Variants in RAB38 observed in about 807,000 individuals in gnomAD.
The protein encoded by RAB38 is ras-related protein Rab-38.
RAB38 carries 15 observed loss-of-function variants against 18.4 expected under a neutral mutation model. The observed-to-expected ratio is 0.82, with a 90% CI of 0.55 to 1.26. RAB38 has a LOEUF of 1.26. RAB38 is among the 50% of genes most tolerant of loss of function. The probability of loss-of-function intolerance (pLI) is 0.00; values close to 1 mark genes in which losing one functional copy is unlikely to be tolerated. For synonymous variants in RAB38, 101 were observed against 104.4 expected, an observed-to-expected ratio of 0.97 and a Z score of 0.20; for missense variants, 294 against 267.4, an observed-to-expected ratio of 1.10 and a Z score of -0.69.
the RAB38 span, among the ~76,000 whole-genome samples, chr11:87,824,999 T>A: frequency 2.0e-5 from 3 of 150,266 alleles, no homozygotes; most frequent in Admixed American, 6.7e-5. Context: ...AGAGAGTGAG[T>A]GTGTGTGTGT....
At chr11:88,034,258 T>C in the RAB38 span, among the ~76,000 whole-genome samples, 1 of 152,366 alleles carries the variant, frequency 6.6e-6, no homozygotes, top group African/African-American at 2.4e-5. Context: ...CATTTGCCCA[T>C]TGACAATTTG....
the RAB38 span, among the ~76,000 whole-genome samples, chr11:87,829,070 A>T: frequency 6.6e-6 from 1 of 152,188 alleles, no homozygotes; most frequent in Admixed American, 6.5e-5. Context: ...CAAAATTCTG[A>T]TGTTTTCAGA....
At chr11:87,876,186 G>A in the RAB38 span, among the ~76,000 whole-genome samples, 1 of 151,672 alleles carries the variant, frequency 6.6e-6, no homozygotes, top group Non-Finnish European at 1.5e-5. Flanking sequence ...TCTAGCTGCA[G>A]GTAGCAGAAT....
At chr11:88,133,340 A>G (rs1407718320) in intron 2 of RAB38, among the ~76,000 whole-genome samples, 1 of 152,348 alleles carries the variant, frequency 6.6e-6, no homozygotes, top group East Asian at 1.9e-4. Flanking sequence ...AACAAATGTT[A>G]TATATTAACA....
chr11:88,036,345 C>T, the RAB38 span, among the ~76,000 whole-genome samples: 7 of 152,146 alleles, frequency 4.6e-5, no homozygotes, highest in African/African-American at 1.7e-4. Flanking sequence ...GTATACTTAT[C>T]GCTACCAGAG....
intron 1 of RAB38, among the ~76,000 whole-genome samples, chr11:88,160,023 T>G (rs1368330641): frequency 6.6e-6 from 1 of 151,948 alleles, no homozygotes; most frequent in Non-Finnish European, 1.5e-5. Context: ...AAAGAAATTA[T>G]CAACAGAGTA....
At chr11:88,158,686 A>T (rs890580508) in intron 1 of RAB38, among the ~76,000 whole-genome samples, 1 of 152,150 alleles carries the variant, frequency 6.6e-6, no homozygotes, top group African/African-American at 2.4e-5. Flanking sequence ...ACCTCAATAG[A>T]CTCAGAAAAA....
At chr11:87,922,704 AT>A in the RAB38 span, among the ~76,000 whole-genome samples, 2 of 151,912 alleles carry the variant, frequency 1.3e-5, no homozygotes, top group African/African-American at 2.4e-5. Flanking sequence ...GTAGTTATTT[AT>A]TTTTTTATGC....
At chr11:87,922,392 T>C in the RAB38 span, among the ~76,000 whole-genome samples, 2 of 152,050 alleles carry the variant, frequency 1.3e-5, no homozygotes, top group Non-Finnish European at 2.9e-5. Context: ...AGCACTGTTT[T>C]TGTTTCAATC....
chr11:87,850,631 T>G, the RAB38 span, among the ~76,000 whole-genome samples: 1 of 151,914 alleles, frequency 6.6e-6, no homozygotes, highest in Non-Finnish European at 1.5e-5. Context: ...TATCTATACC[T>G]TCTTCGTCTT....
the RAB38 span, among the ~76,000 whole-genome samples, chr11:88,077,555 GA>G: frequency 1.1e-4 from 16 of 152,220 alleles, no homozygotes; most frequent in East Asian, 2.9e-3. Flanking sequence ...ATAGGGAAAA[GA>G]CAGAATCTTC....
chr11:88,029,496 A>C, the RAB38 span, among the ~76,000 whole-genome samples: 10 of 152,330 alleles, frequency 6.6e-5, no homozygotes, highest in African/African-American at 2.4e-4. Context: ...TCTCACATGC[A>C]GAGACACACA....
the RAB38 span, among the ~76,000 whole-genome samples, chr11:88,026,995 C>T: frequency 0.019 from 2,885 of 152,100 alleles, 40 homozygotes; most frequent in Middle Eastern, 0.061. Context: ...TTGATTTTTG[C>T]GCAATGACCT....
chr11:87,890,349 C>T, the RAB38 span, among the ~76,000 whole-genome samples: 1 of 151,744 alleles, frequency 6.6e-6, no homozygotes, highest in African/African-American at 2.4e-5. Flanking sequence ...TGTTTCCTTC[C>T]AGAAGAGACA....
chr11:87,953,514 A>T, the RAB38 span, among the ~76,000 whole-genome samples: 1 of 152,142 alleles, frequency 6.6e-6, no homozygotes. Context: ...ACTGTGCTAT[A>T]ATAAAATTTA....
intron 2 of RAB38, among the ~76,000 whole-genome samples, chr11:88,121,063 G>A (rs2134779043): frequency 6.6e-6 from 1 of 152,192 alleles, no homozygotes; most frequent in Non-Finnish European, 1.5e-5. Flanking sequence ...TCTTAGCTCT[G>A]GCTACCTGCA....
At chr11:87,949,972 C>T in the RAB38 span, among the ~76,000 whole-genome samples, 1 of 152,244 alleles carries the variant, frequency 6.6e-6, no homozygotes, top group African/African-American at 2.4e-5. Flanking sequence ...ATTGATCTGT[C>T]TAATGTTGAC....
the RAB38 span, among the ~76,000 whole-genome samples, chr11:88,069,770 A>G: frequency 3.1e-4 from 47 of 152,342 alleles, no homozygotes; most frequent in East Asian, 7.9e-3. Context: ...AAATGCACCA[A>G]TCAGCACCCT....
chr11:87,860,822 C>G, the RAB38 span, among the ~76,000 whole-genome samples: 1 of 151,624 alleles, frequency 6.6e-6, no homozygotes, highest in Non-Finnish European at 1.5e-5. Flanking sequence ...AGAGCTGTTT[C>G]CATAATGAGT....
Sources: gnomAD v4.1 joint callset for allele counts (sites outside exome capture counted in the v4.1 genomes callset) on GRCh38, gnomAD v4.1.1 for gene constraint, MANE v1.5 for transcripts, NCBI Gene and HGNC (gene_info 2026-07-23, HGNC 2026-07-21) for gene names.